AMPH: variants seen among roughly 807,000 people sequenced by gnomAD.
AMPH encodes amphiphysin (Stiff-Mann syndrome with breast cancer 128kD autoantigen).
Under a neutral mutation model 99.1 loss-of-function variants are expected in AMPH, and 49 were observed. The observed-to-expected ratio is 0.49, with a 90% confidence interval of 0.39 to 0.63. AMPH has a LOEUF of 0.63. Among genes scored for constraint, AMPH ranks in the 20% least tolerant of loss-of-function variants. AMPH has a pLI of 0.00. For synonymous variants in AMPH, 314 were observed against 317.3 expected (o/e 0.99, Z 0.11); for missense variants, 759 against 863.4 (o/e 0.88, Z 1.52).
chr7:38,514,765 G>A (rs1199747802), intron 2 of AMPH, among the ~76,000 whole-genome samples: 1 of 152,204 alleles, frequency 6.6e-6, no homozygotes, highest in Non-Finnish European at 1.5e-5. Flanking sequence ...CCTCCAGACT[G>A]TGAGAAATAA....
intron 17 of AMPH, among the ~76,000 whole-genome samples, chr7:38,408,363 A>G (rs1419419394): frequency 6.6e-6 from 1 of 152,200 alleles, no homozygotes; most frequent in African/African-American, 2.4e-5. Context: ...TCATGTACAC[A>G]TACTATCTGG....
chr7:38,554,161 C>T (rs951851005), intron 1 of AMPH, among the ~76,000 whole-genome samples: 3 of 152,138 alleles, frequency 2.0e-5, no homozygotes, highest in Non-Finnish European at 4.4e-5. Flanking sequence ...CAAGCCTACC[C>T]AAGCCTCTTT....
intron 1 of AMPH, among the ~76,000 whole-genome samples, chr7:38,544,495 T>C (rs1194476441): frequency 1.3e-5 from 2 of 152,182 alleles, no homozygotes; most frequent in Non-Finnish European, 2.9e-5. Context: ...AGGAATTGCC[T>C]GGAATTGTGG....
At chr7:38,433,001 T>C (rs1364208728) in intron 12 of AMPH, among the ~76,000 whole-genome samples, 5 of 152,204 alleles carry the variant, frequency 3.3e-5, no homozygotes, top group African/African-American at 1.2e-4. Flanking sequence ...TCCTTTATGA[T>C]TGAGAATTGC....
intron 2 of AMPH, among the ~76,000 whole-genome samples, chr7:38,525,445 C>CGTGTGTGT (rs146505083): frequency 0.012 from 1,538 of 125,436 alleles, 19 homozygotes; most frequent in African/African-American, 0.034. Context: ...CTCATTTGTG[C>CGTGTGTGT]GTGTGTGTGT....
chr7:38,538,883 T>C (rs1790710179), intron 1 of AMPH, among the ~76,000 whole-genome samples: 2 of 152,152 alleles, frequency 1.3e-5, no homozygotes, highest in Non-Finnish European at 1.5e-5. Context: ...CTCTGTGGCA[T>C]CCAGGTAGAG....
chr7:38,571,530 T>C (rs984917575), intron 1 of AMPH, among the ~76,000 whole-genome samples: 11 of 137,206 alleles, frequency 8.0e-5, no homozygotes, highest in Non-Finnish European at 1.7e-4. Flanking sequence ...CTATAAAATA[T>C]ATATATTCTG....
chr7:38,495,732 C>CTAA (rs1788908535), intron 3 of AMPH, among the ~76,000 whole-genome samples: 1 of 151,974 alleles, frequency 6.6e-6, no homozygotes, highest in Non-Finnish European at 1.5e-5. Flanking sequence ...TTTAGGGTTC[C>CTAA]TAAGCCTTTG....
At chr7:38,541,034 A>G (rs866760271) in intron 1 of AMPH, among the ~76,000 whole-genome samples, 1,964 of 149,912 alleles carry the variant, frequency 0.013, 52 homozygotes, top group African/African-American at 0.045. Context: ...AAAAAAAAAA[A>G]AAAAAAAAGA....
rs1317046249 is a variant in AMPH, at chr7:38,475,436, T to G, written c.505-20A>C. 4.5e-6 allele frequency: 7 copies of G among 1,561,876 alleles called. No homozygotes were observed. The highest frequency in any genetic ancestry group is 6.2e-6 in the Non-Finnish European group (7 of 1,134,514). On this transcript the variant is annotated intron_variant, in intron 6 of 20. Transcript: ENST00000356264. ...TTCTGCCTAGGAATGAAACATAACA[T>G]GTGTTTACACTAAGAAAGACCATTT...
intron 1 of AMPH, among the ~76,000 whole-genome samples, chr7:38,615,175 C>A (rs1793832822): frequency 6.6e-6 from 1 of 152,094 alleles, no homozygotes; most frequent in African/African-American, 2.4e-5. Flanking sequence ...TAGTCTCAAG[C>A]AAATTGCCTA....
chr7:38,466,453 G>C (rs537243961), intron 7 of AMPH, among the ~76,000 whole-genome samples: 1 of 151,948 alleles, frequency 6.6e-6, no homozygotes, highest in Non-Finnish European at 1.5e-5. Context: ...TTTTGGCATA[G>C]AGCATGACCT....
chr7:38,393,547 GC>G (rs1270953729), intron 18 of AMPH, among the ~76,000 whole-genome samples: 3 of 152,180 alleles, frequency 2.0e-5, no homozygotes, highest in Admixed American at 6.5e-5. Context: ...CCAGTGGTGG[GC>G]TCTTGGTAAA....
chr7:38,490,114 A>G (rs552984631), intron 5 of AMPH, among the ~76,000 whole-genome samples: 1 of 152,312 alleles, frequency 6.6e-6, no homozygotes, highest in South Asian at 2.1e-4. Flanking sequence ...AATTATCTGA[A>G]GATGTCTCAA....
intron 1 of AMPH, among the ~76,000 whole-genome samples, chr7:38,600,703 G>T (rs1793215797): frequency 6.6e-6 from 1 of 152,180 alleles, no homozygotes; most frequent in Non-Finnish European, 1.5e-5. Flanking sequence ...GCACCGAAGA[G>T]ACAACTCCTA....
chr7:38,628,633 T>C (rs1419932652), intron 1 of AMPH, among the ~76,000 whole-genome samples: 2 of 152,234 alleles, frequency 1.3e-5, no homozygotes, highest in Admixed American at 6.5e-5. Context: ...TCTTCAACTA[T>C]ACAGCAATGA....
chr7:38,591,701 CA>C (rs1490536850), intron 1 of AMPH, among the ~76,000 whole-genome samples: 2 of 152,166 alleles, frequency 1.3e-5, no homozygotes, highest in Non-Finnish European at 2.9e-5. Flanking sequence ...TAACAATAAA[CA>C]CATAACCAAA....
chr7:38,426,913 A>G (rs1170912041), intron 15 of AMPH, 41 bp downstream of exon 15: 1 of 1,592,494 alleles, frequency 6.3e-7, no homozygotes, highest in Non-Finnish European at 8.6e-7. Flanking sequence ...AATGTGCATC[A>G]TTCTCAGCAG....
At chr7:38,593,329 T>TAAGATA in intron 1 of AMPH, among the ~76,000 whole-genome samples, 1 of 152,064 alleles carries the variant, frequency 6.6e-6, no homozygotes, top group East Asian at 1.9e-4. Flanking sequence ...TCAAAAACAA[T>TAAGATA]AAGATAAAGA....
Sources: gnomAD v4.1 joint callset for allele counts (sites outside exome capture counted in the v4.1 genomes callset) on GRCh38, gnomAD v4.1.1 for gene constraint, MANE v1.5 for transcripts, NCBI Gene and HGNC (gene_info 2026-07-23, HGNC 2026-07-21) for gene names.